The following KDM4C variants were observed in gnomAD, a reference collection of about 807,000 sequenced individuals.
The protein encoded by KDM4C is lysine demethylase 4C.
In KDM4C, 81 loss-of-function variants were observed where a neutral mutation model predicts 129.3. The ratio of observed to expected loss-of-function variants is 0.63; its 90% CI spans 0.52 to 0.75. The LOEUF is 0.75. Ranked by LOEUF, KDM4C falls within the 30% of genes least tolerant of loss-of-function variation. KDM4C has a pLI of 0.00. For synonymous variants in KDM4C, 573 were observed against 456.1 expected (o/e 1.26, Z -3.26); for missense variants, 1,457 against 1,304.0 (o/e 1.12, Z -1.81).
chr9:7,090,372 C>CA (rs1361648672), intron 17 of KDM4C, among the ~76,000 whole-genome samples: 3 of 152,120 alleles, frequency 2.0e-5, no homozygotes, highest in Non-Finnish European at 4.4e-5. Context: ...AGCTTGTTAT[C>CA]AGCAGGGAGG....
chr9:6,885,754 C>A (rs1465881271), intron 6 of KDM4C, among the ~76,000 whole-genome samples: 2 of 152,066 alleles, frequency 1.3e-5, no homozygotes, highest in South Asian at 4.1e-4. Context: ...AAGGCACATA[C>A]TTTGTACATA....
At chr9:6,886,288 T>A (rs984085693) in intron 6 of KDM4C, among the ~76,000 whole-genome samples, 1 of 152,088 alleles carries the variant, frequency 6.6e-6, no homozygotes, top group Non-Finnish European at 1.5e-5. Context: ...GAATTAACAT[T>A]TCTCATGTTT....
chr9:7,135,892 C>G (rs1841153298), intron 19 of KDM4C, among the ~76,000 whole-genome samples: 4 of 152,214 alleles, frequency 2.6e-5, no homozygotes. Context: ...TGGGAAGTCA[C>G]ATCCCATCCC....
chr9:6,824,180 A>C (rs530233456), intron 4 of KDM4C, among the ~76,000 whole-genome samples: 2 of 152,318 alleles, frequency 1.3e-5, no homozygotes, highest in Non-Finnish European at 2.9e-5. Context: ...ACAGAGGATG[A>C]AGGTTACTTG....
intron 5 of KDM4C, among the ~76,000 whole-genome samples, chr9:6,874,946 A>T (rs1588871220): frequency 6.6e-6 from 1 of 152,012 alleles, no homozygotes; most frequent in South Asian, 2.1e-4. Flanking sequence ...AAAAAAAAAA[A>T]AAAGTTGCTA....
At chr9:7,095,326 A>G (rs909717563) in intron 17 of KDM4C, among the ~76,000 whole-genome samples, 2 of 152,262 alleles carry the variant, frequency 1.3e-5, no homozygotes, top group East Asian at 1.9e-4. Context: ...GCTGTTGGAT[A>G]TTTGTACTGC....
At chr9:6,986,232 C>A in intron 10 of KDM4C, 112 bp from the exon 11 acceptor site, 1 of 696,434 alleles carries the variant, frequency 1.4e-6, no homozygotes, top group Non-Finnish European at 2.4e-6. Flanking sequence ...TGTGCATGCG[C>A]ATGCGTGTGT....
chr9:7,113,617 G>T (rs1358793057), intron 18 of KDM4C, among the ~76,000 whole-genome samples: 1 of 152,146 alleles, frequency 6.6e-6, no homozygotes, highest in Non-Finnish European at 1.5e-5. Context: ...GCTCACAACA[G>T]CCTCAGCATA....
intron 4 of KDM4C, among the ~76,000 whole-genome samples, chr9:6,846,176 G>A (rs973125458): frequency 1.3e-5 from 2 of 152,194 alleles, no homozygotes; most frequent in South Asian, 4.1e-4. Flanking sequence ...GATATGTTGT[G>A]TTTTGAAAGG....
At chr9:6,783,675 G>A (rs1031124320) in intron 1 of KDM4C, among the ~76,000 whole-genome samples, 1 of 152,126 alleles carries the variant, frequency 6.6e-6, no homozygotes, top group African/African-American at 2.4e-5. Context: ...GTGAGGAGGG[G>A]CTAGTTGCCC....
chr9:6,734,630 G>A, intron 1 of KDM4C: 1 of 261,430 alleles, frequency 3.8e-6, no homozygotes, highest in Non-Finnish European at 7.4e-6. Flanking sequence ...TTAGCATTTG[G>A]AGATAACATA....
At chr9:7,061,500 G>A (rs747946449) in intron 17 of KDM4C, among the ~76,000 whole-genome samples, 3 of 152,166 alleles carry the variant, frequency 2.0e-5, no homozygotes, top group Non-Finnish European at 4.4e-5. Flanking sequence ...GGTGGGTTGG[G>A]TCGGATAGTT....
Position 6,742,175 on chromosome 9 carries a change from G to A in KDM4C, c.49+21178G>A, listed in dbSNP as rs553238308. Among the ~76,000 whole-genome samples the A allele has an allele frequency of 1.5e-3, 225 of 149,400 alleles. 1 individual carries two copies. Among genetic ancestry groups the A allele is most frequent in the African/African-American group, 5.6e-3 (218 of 39,248 alleles). ...TTTAGTAGAGATGAGGTTTCACCATGTTAGTCAGGCTGGTCTTTTTAGTAG... is the reference window on the plus strand; with the variant it reads ...TTTAGTAGAGATGAGGTTTCACCATATTAGTCAGGCTGGTCTTTTTAGTAG... On this transcript the variant is annotated intron_variant, in intron 1 of 17. Coordinates refer to the KDM4C transcript ENST00000536108.
chr9:6,795,399 T>A (rs1827539285), intron 2 of KDM4C, among the ~76,000 whole-genome samples: 1 of 152,246 alleles, frequency 6.6e-6, no homozygotes, highest in Admixed American at 6.5e-5. Context: ...AGGCACGATC[T>A]CAGCTCACTG....
intron 8 of KDM4C, among the ~76,000 whole-genome samples, chr9:6,919,863 C>T (rs1178187654): frequency 2.0e-5 from 3 of 152,246 alleles, no homozygotes; most frequent in Admixed American, 1.3e-4. Flanking sequence ...GTGTGAGCCA[C>T]TGCACCTGGC....
intron 12 of KDM4C, among the ~76,000 whole-genome samples, chr9:7,003,432 GTT>G (rs76432143): frequency 6.9e-5 from 9 of 130,588 alleles, no homozygotes; most frequent in South Asian, 2.5e-4. Flanking sequence ...TATCATGGGT[GTT>G]TTTTTTTTTT....
chr9:7,164,675 G>A (rs1044039937), intron 19 of KDM4C, among the ~76,000 whole-genome samples: 1 of 152,124 alleles, frequency 6.6e-6, no homozygotes, highest in Non-Finnish European at 1.5e-5. Context: ...TCAATCGCAC[G>A]CCATTTGTCC....
At chr9:7,025,095 CTT>C (rs924525475) in intron 15 of KDM4C, among the ~76,000 whole-genome samples, 1 of 152,156 alleles carries the variant, frequency 6.6e-6, no homozygotes, top group African/African-American at 2.4e-5. Flanking sequence ...CAGTTGACCT[CTT>C]TATTATTATA....
chr9:6,810,763 C>T (rs1043364576), intron 3 of KDM4C, among the ~76,000 whole-genome samples: 9 of 151,622 alleles, frequency 5.9e-5, no homozygotes, highest in Non-Finnish European at 1.0e-4. Context: ...CCCAGCTACT[C>T]GGGAGGCTGA....
Sources: gnomAD v4.1 joint callset for allele counts (sites outside exome capture counted in the v4.1 genomes callset) on GRCh38, gnomAD v4.1.1 for gene constraint, MANE v1.5 for transcripts, NCBI Gene and HGNC (gene_info 2026-07-23, HGNC 2026-07-21) for gene names.